The following DCDC1 variants were observed in gnomAD, a reference collection of about 807,000 sequenced individuals.
DCDC1 encodes the protein doublecortin domain containing 1, also known as doublecortin domain-containing protein 1.
A neutral mutation model predicts 178.3 loss-of-function variants in DCDC1; 200 were observed. The observed-to-expected ratio is 1.12, with a 90% CI of 1.00 to 1.26. The LOEUF (loss-of-function observed/expected upper bound fraction) is 1.26. Ranked by LOEUF, DCDC1 falls within the 50% of genes most tolerant of loss-of-function variation. The pLI is 0.00. For synonymous variants in DCDC1, 690 were observed against 604.8 expected (o/e 1.14, Z -2.07); for missense variants, 1,983 against 1,749.2 (o/e 1.13, Z -2.38).
intron 15 of DCDC1, among the ~76,000 whole-genome samples, 177 bp from the exon 16 acceptor site, chr11:31,094,361 C>A (rs1958008097): frequency 6.6e-6 from 1 of 152,120 alleles, no homozygotes; most frequent in South Asian, 2.1e-4. Flanking sequence ...TGAGCACCAA[C>A]TCTATTATGC....
chr11:31,174,092 C>T (rs1275293659), intron 9 of DCDC1, among the ~76,000 whole-genome samples: 1 of 152,136 alleles, frequency 6.6e-6, no homozygotes, highest in Non-Finnish European at 1.5e-5. Context: ...CAGCTGCAGA[C>T]CCAGGCATCC....
chr11:31,287,924 G>C (rs1287751414), intron 7 of DCDC1, among the ~76,000 whole-genome samples: 1 of 146,650 alleles, frequency 6.8e-6, no homozygotes, highest in African/African-American at 2.5e-5. Context: ...TTTTTTTATT[G>C]TTACATTCAT....
intron 1 of DCDC1, among the ~76,000 whole-genome samples, chr11:31,354,950 T>G (rs1413935239): frequency 6.6e-6 from 1 of 152,034 alleles, no homozygotes; most frequent in Non-Finnish European, 1.5e-5. Flanking sequence ...TTTTTTTCCC[T>G]GTAGAGCTCT....
intron 9 of DCDC1, among the ~76,000 whole-genome samples, chr11:31,186,738 C>A (rs1333998553): frequency 6.6e-6 from 1 of 152,206 alleles, no homozygotes; most frequent in Non-Finnish European, 1.5e-5. Context: ...CTGGAGATGG[C>A]AAAGAAGCAG....
At chr11:30,922,814 G>A (rs1946334940) in intron 23 of DCDC1, among the ~76,000 whole-genome samples, 176 bp from the exon 24 acceptor site, 1 of 152,080 alleles carries the variant, frequency 6.6e-6, no homozygotes, top group African/African-American at 2.4e-5. Context: ...GCTGATAAAG[G>A]CAACAACTTT....
intron 32 of DCDC1, among the ~76,000 whole-genome samples, chr11:30,902,503 T>C (rs1394447290): frequency 2.6e-5 from 4 of 152,172 alleles, no homozygotes; most frequent in Non-Finnish European, 4.4e-5. Context: ...ATGTTAAATA[T>C]ATATACACAT....
intron 3 of DCDC1, among the ~76,000 whole-genome samples, chr11:31,310,500 T>C (rs914386314): frequency 4.6e-5 from 7 of 151,816 alleles, no homozygotes; most frequent in Non-Finnish European, 1.0e-4. Context: ...TTTGTATTTT[T>C]AGTAGAGACG....
intron 10 of DCDC1, among the ~76,000 whole-genome samples, chr11:31,131,612 T>C (rs1192108011): frequency 6.6e-6 from 1 of 152,184 alleles, no homozygotes; most frequent in Non-Finnish European, 1.5e-5. Flanking sequence ...CTTGCATTTA[T>C]GGTTATCTGA....
In DCDC1 at chr11:31,207,949, AATATTT is replaced by A. The variant is rs780865742; in HGVS notation, c.1221+33495_1221+33500del. Among the ~76,000 whole-genome samples the A allele has an allele frequency of 7.9e-5, 12 of 151,982 alleles. No individual in the cohort carries two copies. In the Middle Eastern group the frequency reaches 0.01, roughly 129 times the overall value. ...GATATGCTTCATCACTCCCTCCTTA[AATATTT>A]TCTTCTCTGAGTTTTGTGTCTTAAC... On this transcript the variant is annotated intron_variant, in intron 9 of 38. Transcript: ENST00000684477.
intron 34 of DCDC1, among the ~76,000 whole-genome samples, chr11:30,897,920 T>G (rs930631972): frequency 2.6e-5 from 4 of 152,072 alleles, no homozygotes; most frequent in Non-Finnish European, 5.9e-5. Context: ...TACCCTAGGC[T>G]TGGAATGCTG....
At chr11:31,366,350 T>A (rs75993770) in intron 1 of DCDC1, among the ~76,000 whole-genome samples, 10 of 152,342 alleles carry the variant, frequency 6.6e-5, no homozygotes, top group African/African-American at 2.4e-4. Flanking sequence ...CTCCAGAGAA[T>A]GAGGCAAGAT....
intron 18 of DCDC1, among the ~76,000 whole-genome samples, 170 bp from the exon 19 acceptor site, chr11:31,065,323 A>ATATTAACGTTTCT (rs1486804066): frequency 6.6e-6 from 1 of 152,216 alleles, no homozygotes; most frequent in African/African-American, 2.4e-5. Context: ...AATGACTTTA[A>ATATTAACGTTTCT]TATTAACGTT....
intron 9 of DCDC1, among the ~76,000 whole-genome samples, chr11:31,148,311 C>T (rs1192774332): frequency 6.6e-6 from 1 of 151,456 alleles, no homozygotes; most frequent in Admixed American, 6.6e-5. Context: ...GTCTGGGAGG[C>T]CGAAGTGGGC....
chr11:30,933,264 A>G (rs999746947), intron 21 of DCDC1, among the ~76,000 whole-genome samples: 1 of 151,802 alleles, frequency 6.6e-6, no homozygotes, highest in Non-Finnish European at 1.5e-5. Context: ...TTGTTAATTC[A>G]TATACATTTA....
intron 9 of DCDC1, among the ~76,000 whole-genome samples, chr11:31,143,861 A>G (rs1964139531): frequency 6.6e-6 from 1 of 152,204 alleles, no homozygotes; most frequent in Admixed American, 6.5e-5. Context: ...AGTGATGGTT[A>G]ATGCAGCCCA....
rs1341304832 is a variant in DCDC1, at chr11:30,980,592, TG to T, written c.2592-28025del. ...GGATAGAGTTGTGGCTGTGCAGAAA[TG>T]GGGGTGGCCCATGGGCTTCCATTTT... On this transcript the variant is annotated intron_variant, in intron 20 of 38. Coordinates refer to ENST00000684477, the MANE Select transcript of DCDC1 (RefSeq NM_001387274.1). Among the ~76,000 whole-genome samples, 3 of 152,228 alleles carry T rather than the reference TG, an allele frequency of 2.0e-5. No homozygotes were observed. In the South Asian group the frequency reaches 6.2e-4, roughly 32 times the overall value.
At chr11:31,297,194 T>C (rs541646538) in intron 6 of DCDC1, among the ~76,000 whole-genome samples, 1 of 152,212 alleles carries the variant, frequency 6.6e-6, no homozygotes, top group Non-Finnish European at 1.5e-5. Context: ...ACTTCAGCCC[T>C]GGCGAGGAAG....
rs1159404116 is a variant in DCDC1 at position 31,241,461 on chromosome 11, AT to A, written c.1209del (p.Lys403AsnfsTer6). ...GAGGGATGACTCACCTGTTTATAATATTTTTTTGCAGACTTTAATCGTTGGT... is the reference window on the plus strand; with the variant it reads ...GAGGGATGACTCACCTGTTTATAATATTTTTTGCAGACTTTAATCGTTGGT... ...ALYQRLKSAK[K>X]YYKQLNLVMN... On this transcript the variant is annotated frameshift_variant, in exon 9 of 39. Coordinates refer to ENST00000684477, the MANE Select transcript of DCDC1 (RefSeq NM_001387274.1). LOFTEE classifies it high-confidence loss of function. 4 of 396,934 alleles carry A rather than the reference AT, an allele frequency of 1.0e-5. No homozygotes were observed. Among genetic ancestry groups the A allele is most frequent in the Admixed American group, 4.4e-5 (1 of 22,576 alleles). 24.6% of individuals were successfully genotyped at this position (396,934 alleles called of 1,614,324 possible).
At chr11:30,973,305 C>G (rs532962591) in intron 20 of DCDC1, among the ~76,000 whole-genome samples, 12 of 151,492 alleles carry the variant, frequency 7.9e-5, no homozygotes, top group African/African-American at 2.7e-4. Context: ...GCATCTCCCC[C>G]CTCTCTCTCT....
Sources: gnomAD v4.1 joint callset for allele counts (sites outside exome capture counted in the v4.1 genomes callset) on GRCh38, gnomAD v4.1.1 for gene constraint, MANE v1.5 for transcripts, NCBI Gene and HGNC (gene_info 2026-07-23, HGNC 2026-07-21) for gene names.